Variants in VPS53 observed in about 807,000 individuals in gnomAD.
VPS53 encodes the protein vacuolar protein sorting-associated protein 53 homolog.
In VPS53, 70 loss-of-function variants were observed where a neutral mutation model predicts 107.0. The observed-to-expected ratio is 0.65, with a 90% CI of 0.54 to 0.80. The LOEUF is 0.80. VPS53 is among the 30% of genes least tolerant of loss of function. VPS53 has a pLI of 0.00. For synonymous variants in VPS53, 409 were observed against 393.3 expected, an observed-to-expected ratio of 1.04 and a Z score of -0.47; for missense variants, 917 against 1,049.4, an observed-to-expected ratio of 0.87 and a Z score of 1.74.
At chr17:601,751 C>T (rs373299523) in intron 12 of VPS53, 44 bp downstream of exon 12, 113 of 1,464,894 alleles carry the variant, frequency 7.7e-5, no homozygotes, top group East Asian at 1.2e-4. Context: ...TTTTCAGAAA[C>T]GCACATTGGG....
In VPS53 at chr17:511,532, C is replaced by G. The variant is rs1413232691; in HGVS notation, c.*7596G>C. ...TTTATTTTAACATCTCATATTGCCC[C>G]AGGTTCTCTGAGTCAACACCCTCAA... On this transcript the variant is annotated 3_prime_UTR_variant, in exon 22 of 22. Coordinates refer to ENST00000437048, the MANE Select transcript of VPS53 (RefSeq NM_001128159.3). 2 of 152,156 alleles carry G rather than the reference C, an allele frequency of 1.3e-5. No individual in the cohort carries two copies. Among genetic ancestry groups the G allele is most frequent in the African/African-American group, 4.8e-5 (2 of 41,424 alleles). The allele number at this position is 152,156 out of a possible 1,614,324, so 9.4% of individuals were successfully genotyped here. A position where few individuals can be genotyped will look rare whatever the true frequency, so the allele number is the denominator to read the frequency against.
intron 19 of VPS53, among the ~76,000 whole-genome samples, chr17:528,113 A>T (rs1909257328): frequency 2.0e-5 from 3 of 152,160 alleles, no homozygotes. Context: ...TAATTCAAAA[A>T]CCATAAAATT....
At chr17:660,602 G>A (rs1971400068) in intron 5 of VPS53, among the ~76,000 whole-genome samples, 1 of 152,016 alleles carries the variant, frequency 6.6e-6, no homozygotes, top group Non-Finnish European at 1.5e-5. Flanking sequence ...CACGCTTTGA[G>A]GGCCCCTGGT....
rs145630680 is a variant in VPS53, at chr17:562,699, G to A, written c.1360C>T (p.Gln454Ter). ...TCAGTGTTGGGCTTAGGTGGCCCCT[G>A]GGCTTTGAAATCAGCCACAAACCGA... ...IDRFVADFKA[Q>*]GPPKPNTDEG... The change falls in exon 14 of 22, where the codon CAG becomes TAG. Residue 454 changes from glutamine (Q) to a stop codon, truncating the protein, a stop_gained. Coordinates refer to ENST00000437048, the MANE Select transcript of VPS53 (RefSeq NM_001128159.3). LOFTEE classifies it high-confidence loss of function. The A allele has an allele frequency of 1.9e-6, 3 of 1,613,444 alleles. No individual in the cohort carries two copies. Among genetic ancestry groups the A allele is most frequent in the Non-Finnish European group, 2.5e-6 (3 of 1,179,908 alleles).
At chr17:527,503 A>G (rs1392541120) in intron 19 of VPS53, among the ~76,000 whole-genome samples, 1 of 152,224 alleles carries the variant, frequency 6.6e-6, no homozygotes, top group Non-Finnish European at 1.5e-5. Context: ...ATGTTTGGCT[A>G]ACTGCCTAGG....
At position 521,679 on chromosome 17, in the gene VPS53, C is replaced by T. The variant is rs1157786488; in HGVS notation, c.2145G>A (p.Ser715=). The T allele has an allele frequency of 1.9e-5, 30 of 1,550,138 alleles. No homozygotes were observed. Among genetic ancestry groups the T allele is most frequent in the African/African-American group, 5.5e-5 (4 of 72,978 alleles). Residue 715 remains serine, a synonymous_variant, in exon 20 of 22, where the codon TCG becomes TCA. Coordinates refer to ENST00000437048, the MANE Select transcript of VPS53 (RefSeq NM_001128159.3). ...MVLLDLPSIS[S]QVVRKAPASY... ...TGGCGGGTGCCTTCCTCACCACCTGCGAGCTGATGGAGGGGAGATCGAGCA... is the reference window on the plus strand; with the variant it reads ...TGGCGGGTGCCTTCCTCACCACCTGTGAGCTGATGGAGGGGAGATCGAGCA...
At chr17:658,091 T>C (rs7211349) in intron 5 of VPS53, among the ~76,000 whole-genome samples, 3 of 21,466 alleles carry the variant, frequency 1.4e-4, no homozygotes, top group Non-Finnish European at 1.0e-4. Flanking sequence ...TAAAGTGAGA[T>C]ACTCGGCCGT....
chr17:565,208 C>T (rs546901706), intron 13 of VPS53, among the ~76,000 whole-genome samples: 2 of 151,896 alleles, frequency 1.3e-5, no homozygotes, highest in African/African-American at 2.4e-5. Flanking sequence ...TTGAGACCAG[C>T]CTGACCAACA....
chr17:631,713 GTCTT>G, intron 7 of VPS53, 85 bp from the exon 8 acceptor site: 1 of 1,312,576 alleles, frequency 7.6e-7, no homozygotes, highest in Non-Finnish European at 1.1e-6. Flanking sequence ...AAGGGCTGAA[GTCTT>G]TCGAGAAAGG....
At chr17:564,181 G>A (rs1232313221) in intron 13 of VPS53, among the ~76,000 whole-genome samples, 1 of 152,032 alleles carries the variant, frequency 6.6e-6, no homozygotes, top group Non-Finnish European at 1.5e-5. Context: ...GATCACTTGA[G>A]GCCAGGAGTT....
At chr17:521,552 GAA>G (rs1908747795) in intron 20 of VPS53, 47 bp downstream of exon 20, 3 of 1,484,764 alleles carry the variant, frequency 2.0e-6, no homozygotes, top group Non-Finnish European at 2.7e-6. Context: ...AGGCTTCTCA[GAA>G]AAAGAGATTA....
chr17:568,538 T>G (rs1472752216), intron 13 of VPS53, among the ~76,000 whole-genome samples: 2 of 152,140 alleles, frequency 1.3e-5, no homozygotes, highest in East Asian at 1.9e-4. Flanking sequence ...CGAGCAACCA[T>G]GCCCGACCCT....
At chr17:613,201 A>T (rs574059549) in intron 11 of VPS53, among the ~76,000 whole-genome samples, 2 of 151,100 alleles carry the variant, frequency 1.3e-5, no homozygotes, top group East Asian at 4.0e-4. Context: ...ACCTGTACAA[A>T]TATTCACATA....
At chr17:705,206 T>C (rs1362733879) in intron 2 of VPS53, among the ~76,000 whole-genome samples, 1 of 152,102 alleles carries the variant, frequency 6.6e-6, no homozygotes, top group Non-Finnish European at 1.5e-5. Flanking sequence ...ACCTGCTCTT[T>C]CTCCTTACAC....
chr17:536,779 A>C, intron 18 of VPS53: 4 of 426,996 alleles, frequency 9.4e-6, no homozygotes, highest in African/African-American at 2.0e-5. Context: ...AACCGAGGGA[A>C]TGTCCAGCGC....
At chr17:711,309 C>G (rs928814418) in intron 1 of VPS53, among the ~76,000 whole-genome samples, 1 of 152,230 alleles carries the variant, frequency 6.6e-6, no homozygotes, top group Non-Finnish European at 1.5e-5. Flanking sequence ...CCACTGGACA[C>G]TGGGTCTCAC....
intron 8 of VPS53, among the ~76,000 whole-genome samples, chr17:628,928 T>A (rs1285245509): frequency 6.6e-6 from 1 of 152,228 alleles, no homozygotes; most frequent in Admixed American, 6.5e-5. Context: ...ACCAAAGTTT[T>A]GCTGAGACTT....
chr17:571,562 CTCTCTT>C (rs1914083633), intron 13 of VPS53, among the ~76,000 whole-genome samples: 2 of 147,508 alleles, frequency 1.4e-5, no homozygotes, highest in Admixed American at 6.7e-5. Flanking sequence ...CTCCCTCTCC[CTCTCTT>C]TCCACGGTCT....
intron 12 of VPS53, among the ~76,000 whole-genome samples, chr17:586,594 A>C (rs989059192): frequency 6.6e-6 from 1 of 152,220 alleles, no homozygotes; most frequent in Non-Finnish European, 1.5e-5. Flanking sequence ...TACCTGGATA[A>C]CATATGTGTT....
Sources: gnomAD v4.1 joint callset for allele counts (sites outside exome capture counted in the v4.1 genomes callset) on GRCh38, gnomAD v4.1.1 for gene constraint, MANE v1.5 for transcripts, NCBI Gene and HGNC (gene_info 2026-07-23, HGNC 2026-07-21) for gene names.